Variants in FAM13B observed in about 807,000 individuals in gnomAD.
The protein encoded by FAM13B is family with sequence similarity 13 member B, also known as protein FAM13B.
FAM13B carries 60 observed loss-of-function variants against 117.3 expected under a neutral mutation model. That is an observed-to-expected ratio of 0.51 (90% CI 0.42 to 0.63). The LOEUF is 0.63. FAM13B is among the 30% of genes least tolerant of loss of function. FAM13B has a pLI of 0.00. For synonymous variants in FAM13B, 332 were observed against 356.1 expected, an observed-to-expected ratio of 0.93 and a Z score of 0.76; for missense variants, 972 against 1,091.9, an observed-to-expected ratio of 0.89 and a Z score of 1.55.
intron 7 of FAM13B, among the ~76,000 whole-genome samples, chr5:137,993,454 G>C (rs4835746): frequency 0.98 from 149,203 of 152,152 alleles, 73,229 homozygotes; most frequent in Middle Eastern, 1. Flanking sequence ...TAGCAAAACC[G>C]CATCTATTTT....
In FAM13B at chr5:137,980,421, G is replaced by A. The variant is rs1775363557; in HGVS notation, c.1179+4836C>T. 2.0e-5 allele frequency among the ~76,000 whole-genome samples: 3 copies of A among 147,258 alleles called. No homozygotes were observed. In the South Asian group the frequency reaches 6.4e-4, roughly 32 times the overall value. ...AATTAGTTCCTGCTCTCTTTATAAA[G>A]TAATTGATACACTAATTTCTTTTTT... On this transcript the variant is annotated intron_variant, in intron 10 of 23. Transcript: ENST00000689681.
intron 1 of FAM13B, among the ~76,000 whole-genome samples, chr5:138,050,975 A>G (rs1284006573): frequency 6.6e-6 from 1 of 152,132 alleles, no homozygotes; most frequent in Non-Finnish European, 1.5e-5. Context: ...CTTTAGGAAA[A>G]TTCAAAGATT....
chr5:137,962,682 T>C (rs1219590456), intron 10 of FAM13B, among the ~76,000 whole-genome samples: 4 of 152,188 alleles, frequency 2.6e-5, no homozygotes, highest in Non-Finnish European at 5.9e-5. Context: ...GCAGGTACTC[T>C]GCATTTCTCT....
chr5:138,017,065 A>G (rs929268446), intron 4 of FAM13B, among the ~76,000 whole-genome samples: 16 of 152,240 alleles, frequency 1.1e-4, no homozygotes. Flanking sequence ...AAAGTGATGC[A>G]TTGAAAAAAG....
Position 137,946,299 on chromosome 5 carries a change from C to T in FAM13B, c.2173G>A (p.Asp725Asn). 6.6e-7 allele frequency: 1 copy of T among 1,510,304 alleles called. No individual in the cohort carries two copies. Among genetic ancestry groups the T allele is most frequent in the Non-Finnish European group, 8.9e-7 (1 of 1,118,838 alleles). 93.6% of individuals were successfully genotyped at this position (1,510,304 alleles called of 1,614,324 possible). Reference protein sequence around the residue: ...LPEDIKKMTKDHLVEEKASLQ... With the variant: ...LPEDIKKMTKNHLVEEKASLQ... ...GAAGCTTTCTCTTCTACCAAATGAT[C>T]TTTGGTCATTTTCTGGAATTAAACA... Residue 725 changes from aspartate (D) to asparagine (N), a missense_variant, in exon 19 of 24, where the codon GAT becomes AAT. Transcript: ENST00000689681.
intron 20 of FAM13B, 45 bp from the exon 21 acceptor site, chr5:137,943,261 A>G (rs764586580): frequency 1.3e-6 from 2 of 1,490,438 alleles, no homozygotes; most frequent in East Asian, 2.3e-5. Context: ...TTAAGTATTC[A>G]AAGTGTCCAG....
At chr5:137,940,456 A>G in intron 23 of FAM13B, 108 bp from the exon 24 acceptor site, 1 of 736,616 alleles carries the variant, frequency 1.4e-6, no homozygotes, top group Non-Finnish European at 2.2e-6. Flanking sequence ...GTTCAAATAA[A>G]AAGTTGTTCT....
chr5:138,044,167 G>A lies in FAM13B; in HGVS notation c.-203+7711C>T, dbSNP rs369394524. On this transcript the variant is annotated intron_variant, in intron 1 of 3. Coordinates refer to the FAM13B transcript ENST00000502471. ...TGGTCTTGAACTCCTGGCCTCAAGC[G>A]ATCCTCCCACTTCAGCCTCCCAAAG... is the stretch of plus-strand genomic sequence containing the variant. Among the ~76,000 whole-genome samples, 21 of 151,878 alleles carry A rather than the reference G, an allele frequency of 1.4e-4. No individual in the cohort carries two copies. In the East Asian group the frequency reaches 2.5e-3, roughly 18 times the overall value.
At chr5:137,977,857 T>G (rs1275655641) in intron 10 of FAM13B, among the ~76,000 whole-genome samples, 2 of 152,226 alleles carry the variant, frequency 1.3e-5, no homozygotes, top group Admixed American at 6.5e-5. Flanking sequence ...AATTATTTGA[T>G]TATAAATCAG....
intron 1 of FAM13B, among the ~76,000 whole-genome samples, chr5:138,031,172 C>T (rs1789894387): frequency 6.6e-6 from 1 of 152,068 alleles, no homozygotes; most frequent in Admixed American, 6.5e-5. Flanking sequence ...GGTGGGGAAA[C>T]ACTGACAAGT....
rs1402548799 is a variant in FAM13B, at chr5:138,011,147, A to T, written c.551T>A (p.Ile184Asn). Residue 184 changes from isoleucine to asparagine, a missense_variant and splice_region_variant, in exon 6 of 24, where the codon ATT (isoleucine) becomes AAT (asparagine). Coordinates refer to ENST00000689681, the MANE Select transcript of FAM13B (RefSeq NM_001385994.1). ...AAVFGPDVFHIYTDVEDMKEQ... is the reference protein window; with the variant it reads ...AAVFGPDVFHNYTDVEDMKEQ... ...TTTCATGTCTTCCACATCTGTGTAA[A>T]TGCTAAGAATAGAAGTCCAAATTGA... 6.2e-7 allele frequency: 1 copy of T among 1,600,594 alleles called. No individual in the cohort carries two copies. The highest frequency in any genetic ancestry group is 8.5e-7 in the Non-Finnish European group (1 of 1,177,228).
chr5:137,951,320 T>G (rs1764969623), intron 17 of FAM13B, among the ~76,000 whole-genome samples: 1 of 151,492 alleles, frequency 6.6e-6, no homozygotes, highest in Non-Finnish European at 1.5e-5. Context: ...TTCACTGCTA[T>G]ATCCCTAGTT....
intron 2 of FAM13B, chr5:138,020,084 G>C: frequency 3.6e-6 from 3 of 838,482 alleles, no homozygotes; most frequent in South Asian, 5.5e-5. Context: ...TTTTGAGACA[G>C]AGTTTCGCTC....
chr5:137,969,426 A>C (rs913282980), intron 10 of FAM13B, among the ~76,000 whole-genome samples: 3 of 152,214 alleles, frequency 2.0e-5, no homozygotes, highest in Non-Finnish European at 4.4e-5. Context: ...AAACTAACAA[A>C]CAGAAAGGAC....
intron 10 of FAM13B, among the ~76,000 whole-genome samples, chr5:137,969,376 C>A (rs1458915644): frequency 2.0e-5 from 3 of 152,144 alleles, no homozygotes; most frequent in Non-Finnish European, 4.4e-5. Flanking sequence ...GCCGGGTGCT[C>A]CAACAGACCT....
Position 137,985,373 on chromosome 5 carries a change from C to T in FAM13B, c.1063G>A (p.Asp355Asn). The T allele has an allele frequency of 2.5e-6, 4 of 1,613,750 alleles. No individual in the cohort carries two copies. Among genetic ancestry groups the T allele is most frequent in the Non-Finnish European group, 3.4e-6 (4 of 1,179,916 alleles). Residue 355 changes from aspartate to asparagine, a missense_variant, in exon 10 of 24, where the codon GAT becomes AAT. Asp to Asn is a conservative substitution (Grantham distance 23). Coordinates refer to ENST00000689681, the MANE Select transcript of FAM13B (RefSeq NM_001385994.1). Reference sequence around the variant, plus strand: ...TTACTTTCACTGGCATTAATAATATCATCAGCAATATCAATCCTAGGGATG... The same window carrying T: ...TTACTTTCACTGGCATTAATAATATTATCAGCAATATCAATCCTAGGGATG... ...GSNNQIDIAD[D>N]IINASESNRD...
chr5:137,946,291 C>T lies in FAM13B; in HGVS notation c.2181G>A (p.Leu727=). The change falls in exon 19 of 24, where the codon TTG becomes TTA. Residue 727 remains leucine (L), a synonymous_variant. Transcript: ENST00000689681. ...EDIKKMTKDH[L]VEEKASLQKS... is the part of the protein sequence containing the mutation. The stretch of plus-strand genomic sequence containing the variant: ...TCTGAAGAGAAGCTTTCTCTTCTAC[C>T]AAATGATCTTTGGTCATTTTCTGGA... The T allele has an allele frequency of 1.3e-6, 2 of 1,543,836 alleles. No individual in the cohort carries two copies. The highest frequency in any genetic ancestry group is 1.3e-5 in the South Asian group (1 of 78,610).
chr5:138,051,043 A>G (rs1005697156), intron 1 of FAM13B, among the ~76,000 whole-genome samples: 10 of 152,190 alleles, frequency 6.6e-5, no homozygotes, highest in Admixed American at 1.3e-4. Flanking sequence ...AATGAAAAGC[A>G]AAACTCTCAC....
At chr5:137,995,803 G>A (rs1470135885) in intron 7 of FAM13B, among the ~76,000 whole-genome samples, 2 of 152,144 alleles carry the variant, frequency 1.3e-5, no homozygotes, top group African/African-American at 2.4e-5. Context: ...GGAAAAGAGG[G>A]AGAGAACCTG....
Sources: gnomAD v4.1 joint callset for allele counts (sites outside exome capture counted in the v4.1 genomes callset) on GRCh38, gnomAD v4.1.1 for gene constraint, MANE v1.5 for transcripts, NCBI Gene and HGNC (gene_info 2026-07-23, HGNC 2026-07-21) for gene names.